Variants in PRKN observed in about 807,000 individuals in gnomAD.
PRKN encodes the protein E3 ubiquitin-protein ligase parkin.
Under a neutral mutation model 59.5 loss-of-function variants are expected in PRKN, and 56 were observed. The observed-to-expected ratio is 0.94, with a 90% CI of 0.76 to 1.18. The LOEUF is 1.18. PRKN is among the 50% of genes most tolerant of loss of function. PRKN has a pLI of 0.00. For synonymous variants in PRKN, 250 were observed against 222.1 expected (o/e 1.13, Z -1.12); for missense variants, 657 against 596.4 (o/e 1.10, Z -1.06).
Position 161,874,973 on chromosome 6 carries a change from T to TATAATA in PRKN, c.735-89066_735-89065insTATTAT, listed in dbSNP as rs61258288. ...AGGTACTTTATATATAATATATAAT[T>TATAATA]TATTATATTATATACTTTATATATA... On this transcript the variant is annotated intron_variant, in intron 6 of 11. Transcript: ENST00000366898. Among the ~76,000 whole-genome samples the TATAATA allele has an allele frequency of 3.8e-4, 39 of 102,702 alleles. 3 individuals are homozygous for TATAATA. Among genetic ancestry groups the TATAATA allele is most frequent in the African/African-American group, 1.4e-3 (31 of 22,330 alleles). The allele number at this position is 102,702 out of a possible 152,430, so 67.4% of individuals were successfully genotyped here.
At chr6:161,739,054 T>C (rs1788082203) in intron 7 of PRKN, among the ~76,000 whole-genome samples, 1 of 152,202 alleles carries the variant, frequency 6.6e-6, no homozygotes, top group Admixed American at 6.5e-5. Flanking sequence ...CTTAACGTGA[T>C]TTAAGCTAAC....
chr6:162,005,511 GCT>G (rs149229669), intron 5 of PRKN, among the ~76,000 whole-genome samples: 1 of 151,208 alleles, frequency 6.6e-6, no homozygotes, highest in Non-Finnish European at 1.5e-5. Flanking sequence ...GCACATGCTT[GCT>G]CTCTCTCTCT....
chr6:162,469,738 G>A (rs984315082), intron 1 of PRKN, among the ~76,000 whole-genome samples: 2 of 152,044 alleles, frequency 1.3e-5, no homozygotes, highest in African/African-American at 4.8e-5. Flanking sequence ...AGGAAAGGAT[G>A]GGAAGGGGGT....
In PRKN at chr6:161,897,961, C is replaced by T. The variant is rs1283652270; in HGVS notation, c.734+75341G>A. Among the ~76,000 whole-genome samples, 75 of 11,066 alleles carry T rather than the reference C, an allele frequency of 6.8e-3. No individual in the cohort carries two copies. In the South Asian group the frequency reaches 0.082, roughly 12 times the overall value. The allele number at this position is 11,066 out of a possible 152,430, so 7.3% of individuals were successfully genotyped here. ...CAGCCTGGGTGACAGAGCGAGACTC[C>T]GTCTCAAAAAAAAAAAAAAAAAAGT... On this transcript the variant is annotated intron_variant, in intron 6 of 11. Transcript: ENST00000366898.
rs192616932 is a variant in PRKN at position 162,223,720 on chromosome 6, C to T, written c.413-22468G>A. On this transcript the variant is annotated intron_variant, in intron 3 of 11. Transcript: ENST00000366898. ...TTCTACAAATACACTACACATTTTC[C>T]TACCTTTGTATCTCTTTCTTATGTC... Among the ~76,000 whole-genome samples the T allele has an allele frequency of 5.1e-3, 765 of 151,224 alleles. 13 individuals carry two copies. The highest frequency in any genetic ancestry group is 0.018 in the African/African-American group (748 of 41,136).
intron 9 of PRKN, among the ~76,000 whole-genome samples, chr6:161,389,718 T>C (rs1786420805): frequency 6.6e-6 from 1 of 152,200 alleles, no homozygotes; most frequent in Admixed American, 6.5e-5. Flanking sequence ...GAACTGGCAA[T>C]GGGGTCTCAG....
intron 1 of PRKN, among the ~76,000 whole-genome samples, chr6:162,493,449 T>C (rs1179546190): frequency 6.6e-6 from 1 of 152,188 alleles, no homozygotes; most frequent in Non-Finnish European, 1.5e-5. Context: ...CCATCAGCAG[T>C]ACTTAATTCC....
chr6:162,472,804 T>TTATATATATA (rs1290741228), intron 1 of PRKN, among the ~76,000 whole-genome samples: 1 of 94,150 alleles, frequency 1.1e-5, no homozygotes, highest in African/African-American at 3.5e-5. Context: ...AACTTTTATT[T>TTATATATATA]TATATATATA....
At chr6:162,010,350 CATTT>C (rs1328018567) in intron 5 of PRKN, among the ~76,000 whole-genome samples, 1 of 108,560 alleles carries the variant, frequency 9.2e-6, no homozygotes, top group East Asian at 2.7e-4. Context: ...AAATAATATA[CATTT>C]ATTATATGTA....
intron 2 of PRKN, among the ~76,000 whole-genome samples, chr6:162,317,185 C>T (rs868546662): frequency 6.6e-6 from 1 of 152,024 alleles, no homozygotes; most frequent in Admixed American, 6.6e-5. Flanking sequence ...GGCTGTGTCC[C>T]CATCCAAATC....
rs146976275 is a variant in PRKN, at chr6:161,751,758, G to A, written c.871+34014C>T. ...ATAAACTCACCAATGAATAAGTATC[G>A]CAAATTATTACGTGGGGTATAAAGA... On this transcript the variant is annotated intron_variant, in intron 7 of 11. Transcript: ENST00000366898. Among the ~76,000 whole-genome samples the A allele has an allele frequency of 7.0e-4, 107 of 152,268 alleles. 2 individuals are homozygous for A. The East Asian group carries it at 0.018, about 26-fold the overall frequency.
chr6:162,025,436 C>A (rs114954496), intron 5 of PRKN, among the ~76,000 whole-genome samples: 2 of 151,832 alleles, frequency 1.3e-5, no homozygotes, highest in Non-Finnish European at 2.9e-5. Flanking sequence ...TTTTCTAATC[C>A]GTGTCATGTC....
intron 2 of PRKN, among the ~76,000 whole-genome samples, chr6:162,297,286 T>C (rs893555045): frequency 5.3e-5 from 8 of 152,054 alleles, no homozygotes; most frequent in Non-Finnish European, 1.0e-4. Flanking sequence ...TGGGTCCTTT[T>C]CAACTGTGGC....
intron 7 of PRKN, among the ~76,000 whole-genome samples, chr6:161,734,990 C>T (rs113046505): frequency 7.1e-6 from 1 of 141,164 alleles, no homozygotes; most frequent in African/African-American, 2.6e-5. Context: ...TTTTCCAACA[C>T]AAGAGAATTT....
At chr6:161,734,453 G>T (rs1282283434) in intron 7 of PRKN, among the ~76,000 whole-genome samples, 1 of 152,126 alleles carries the variant, frequency 6.6e-6, no homozygotes, top group Non-Finnish European at 1.5e-5. Flanking sequence ...CACCTGTACA[G>T]GATTATGAAA....
chr6:162,626,719 CAGG>C (rs1782911751), intron 1 of PRKN, among the ~76,000 whole-genome samples: 1 of 150,848 alleles, frequency 6.6e-6, no homozygotes, highest in African/African-American at 2.4e-5. Flanking sequence ...GAGGCTGAGG[CAGG>C]AGAATTGCTT....
chr6:161,433,975 C>T (rs1464376165), intron 9 of PRKN, among the ~76,000 whole-genome samples: 2 of 151,874 alleles, frequency 1.3e-5, no homozygotes, highest in East Asian at 2.0e-4. Flanking sequence ...TGAGATCACG[C>T]CATTGCATTC....
At chr6:161,394,632 A>T (rs1477181592) in intron 9 of PRKN, among the ~76,000 whole-genome samples, 4 of 152,206 alleles carry the variant, frequency 2.6e-5, no homozygotes, top group African/African-American at 9.7e-5. Context: ...TGCAGTCTGC[A>T]CTGACCCACT....
intron 2 of PRKN, among the ~76,000 whole-genome samples, chr6:162,328,983 G>T (rs13198166): frequency 0.32 from 49,075 of 152,002 alleles, 8,379 homozygotes; most frequent in Middle Eastern, 0.43. Context: ...GAATATTAAG[G>T]TCCTGAACCA....
Sources: gnomAD v4.1 joint callset for allele counts (sites outside exome capture counted in the v4.1 genomes callset) on GRCh38, gnomAD v4.1.1 for gene constraint, MANE v1.5 for transcripts, NCBI Gene and HGNC (gene_info 2026-07-23, HGNC 2026-07-21) for gene names.